Variants in L3MBTL4 observed in about 807,000 individuals in gnomAD.
L3MBTL4 encodes the protein L3MBTL histone methyl-lysine binding protein 4.
Under a neutral mutation model 84.5 loss-of-function variants are expected in L3MBTL4, and 70 were observed. The observed-to-expected ratio is 0.83, with a 90% CI of 0.68 to 1.01. L3MBTL4 has a LOEUF of 1.01. L3MBTL4 is among the 50% of genes least tolerant of loss of function. The pLI is 0.00. For missense variants in L3MBTL4, 715 were observed against 754.8 expected, an observed-to-expected ratio of 0.95 and a Z score of 0.62; for synonymous variants, 274 against 259.8, an observed-to-expected ratio of 1.05 and a Z score of -0.52.
intron 16 of L3MBTL4, among the ~76,000 whole-genome samples, chr18:6,056,639 G>A (rs2057034871): frequency 6.6e-6 from 1 of 152,132 alleles, no homozygotes; most frequent in South Asian, 2.1e-4. Flanking sequence ...CACAAAGCGA[G>A]TTTGTGGCTG....
intron 17 of L3MBTL4, among the ~76,000 whole-genome samples, chr18:5,960,460 C>T (rs952464389): frequency 2.6e-5 from 4 of 152,200 alleles, no homozygotes; most frequent in African/African-American, 7.2e-5. Context: ...CCTGACTCCC[C>T]CATGGGGTCA....
intron 16 of L3MBTL4, among the ~76,000 whole-genome samples, chr18:6,027,598 T>C (rs1222835040): frequency 1.3e-5 from 2 of 152,244 alleles, no homozygotes; most frequent in Non-Finnish European, 2.9e-5. Context: ...TCTTGATCCT[T>C]GAGGAATTGC....
chr18:6,362,806 A>C (rs1599780976), intron 1 of L3MBTL4, among the ~76,000 whole-genome samples: 4 of 152,256 alleles, frequency 2.6e-5, no homozygotes, highest in African/African-American at 9.6e-5. Context: ...GCAATAAAAG[A>C]TACAGGAAAA....
intron 1 of L3MBTL4, among the ~76,000 whole-genome samples, chr18:6,325,154 A>C (rs2051649460): frequency 6.6e-6 from 1 of 152,212 alleles, no homozygotes; most frequent in Non-Finnish European, 1.5e-5. Context: ...GGCTCCAGCA[A>C]TTACACAAAA....
rs538056844 is a variant in L3MBTL4 at position 6,351,709 on chromosome 18, C to G, written c.-90-39653G>C. Among the ~76,000 whole-genome samples, 17 of 151,816 alleles carry G rather than the reference C, an allele frequency of 1.1e-4. No homozygotes were observed. The East Asian group carries it at 2.1e-3, about 19-fold the overall frequency. ...TGGGACCACAGGCGCCTGCCACCAC[C>G]CCCGGCTAATTTTTTGTATTTTTAG... On this transcript the variant is annotated intron_variant, in intron 1 of 18. Transcript: ENST00000317931.
chr18:6,328,031 C>T lies in L3MBTL4; in HGVS notation c.-90-15975G>A, dbSNP rs537580429. Reference sequence around the variant, plus strand: ...ACTGCATTTATTAAGTAAGTTCCTACTGTGTGCCAAGCACATGGTGGCAGC... The same window carrying T: ...ACTGCATTTATTAAGTAAGTTCCTATTGTGTGCCAAGCACATGGTGGCAGC... On this transcript the variant is annotated intron_variant, in intron 1 of 18. Coordinates refer to ENST00000317931, the MANE Select transcript of L3MBTL4 (RefSeq NM_001330559.2). Among the ~76,000 whole-genome samples, 11 of 152,340 alleles carry T rather than the reference C, an allele frequency of 7.2e-5. No homozygotes were observed. In the East Asian group the frequency reaches 1.3e-3, roughly 19 times the overall value.
chr18:5,960,113 G>C lies in L3MBTL4; in HGVS notation c.1658C>G (p.Ala553Gly). The change falls in exon 18 of 19, where the codon GCC (alanine) becomes GGC (glycine). Residue 553 changes from alanine to glycine, a missense_variant. Transcript: ENST00000317931. ...TCTTACCTCTTTCTTAAAGCACTTG[G>C]CATGCTCTTCACAGCCCAGAAGAGA... ...VQSLLGCEEH[A>G]KCFKKEQIDG... The C allele has an allele frequency of 6.5e-7, 1 of 1,540,068 alleles. No homozygotes were observed. The highest frequency in any genetic ancestry group is 1.8e-5 in the Admixed American group (1 of 55,298).
chr18:6,151,275 A>G (rs1437886918), intron 13 of L3MBTL4, among the ~76,000 whole-genome samples: 2 of 152,232 alleles, frequency 1.3e-5, no homozygotes, highest in Non-Finnish European at 1.5e-5. Flanking sequence ...GTGCCAACTC[A>G]TAAGTCATAT....
rs1022875855 is a variant in L3MBTL4, at chr18:6,414,434, C to T, written c.-91+367G>A. Among the ~76,000 whole-genome samples, 6 of 152,160 alleles carry T rather than the reference C, an allele frequency of 3.9e-5. No individual in the cohort carries two copies. The highest frequency in any genetic ancestry group is 8.8e-5 in the Non-Finnish European group (6 of 68,014). On this transcript the variant is annotated intron_variant, in intron 1 of 18. Coordinates refer to ENST00000317931, the MANE Select transcript of L3MBTL4 (RefSeq NM_001330559.2). The surrounding 1 kb of genome is among the most constrained non-coding windows in gnomAD (Gnocchi z 5.4). ...GGAGTCCCGTCCCGTCCCGCTCCCC[C>T]GGTCCCAGGCTGCGCTGGCTCCAGG...
intron 12 of L3MBTL4, among the ~76,000 whole-genome samples, chr18:6,178,216 C>T (rs369398930): frequency 2.0e-5 from 3 of 152,032 alleles, no homozygotes; most frequent in African/African-American, 7.3e-5. Context: ...CCAGGATTGT[C>T]TATAACTGCT....
At chr18:6,143,478 C>T (rs889947937) in intron 13 of L3MBTL4, among the ~76,000 whole-genome samples, 1 of 152,156 alleles carries the variant, frequency 6.6e-6, no homozygotes, top group East Asian at 1.9e-4. Flanking sequence ...AGAAGCCATC[C>T]ACTAGGGAAA....
chr18:6,026,014 T>G (rs1326205424), intron 16 of L3MBTL4, among the ~76,000 whole-genome samples: 1 of 152,238 alleles, frequency 6.6e-6, no homozygotes, highest in Non-Finnish European at 1.5e-5. Context: ...ATGTTGGTCA[T>G]ACATTATCAC....
chr18:6,272,986 A>G (rs201316687), intron 4 of L3MBTL4, among the ~76,000 whole-genome samples: 75 of 7,404 alleles, frequency 0.01, no homozygotes, highest in African/African-American at 0.052. Context: ...GGGGAAAGGG[A>G]GAGTTGTGCA....
At chr18:6,034,718 G>A (rs190596842) in intron 16 of L3MBTL4, among the ~76,000 whole-genome samples, 5 of 151,278 alleles carry the variant, frequency 3.3e-5, no homozygotes, top group South Asian at 4.2e-4. Context: ...CTGAGGACTC[G>A]CCACACTGAC....
rs116568424 is a variant in L3MBTL4, at chr18:6,225,115, G to A, written c.785-9280C>T. ...AGAAAGCCACTGAAGACTGTTACTC[G>A]CTCCCTAACAATGATCATAAACTTT... On this transcript the variant is annotated intron_variant, in intron 10 of 18. Transcript: ENST00000317931. 6.0e-3 allele frequency among the ~76,000 whole-genome samples: 913 copies of A among 152,212 alleles called. 14 individuals carry two copies. The highest frequency in any genetic ancestry group is 0.02 in the African/African-American group (847 of 41,542).
chr18:6,414,042 C>T lies in L3MBTL4; in HGVS notation c.-91+759G>A, dbSNP rs1309462719. ...TGGCCCAGGTGTGCCCAGCTCGACT[C>T]GCGTCCACCTGGGACCAAGCGGGCC... On this transcript the variant is annotated intron_variant, in intron 1 of 18. Coordinates refer to ENST00000317931, the MANE Select transcript of L3MBTL4 (RefSeq NM_001330559.2). The surrounding 1 kb of genome is among the most constrained non-coding windows in gnomAD (Gnocchi z 5.4). 1 of 152,274 alleles carries T rather than the reference C, an allele frequency of 6.6e-6. No individual in the cohort carries two copies. The highest frequency in any genetic ancestry group is 1.5e-5 in the Non-Finnish European group (1 of 68,062). The allele number at this position is 152,274 out of a possible 1,614,324, so 9.4% of individuals were successfully genotyped here.
intron 16 of L3MBTL4, chr18:6,024,985 C>A (rs2055437028): frequency 6.6e-6 from 1 of 152,286 alleles, no homozygotes; most frequent in East Asian, 1.9e-4. Flanking sequence ...TTATAGCCCT[C>A]CCTTCCAAGA....
chr18:6,268,653 T>A (rs1012128449), intron 4 of L3MBTL4, among the ~76,000 whole-genome samples: 29 of 152,220 alleles, frequency 1.9e-4, no homozygotes, highest in Non-Finnish European at 3.5e-4. Flanking sequence ...ACCAACTTCA[T>A]AAACCCTAAA....
In L3MBTL4 at chr18:6,237,981, G is replaced by T; in HGVS notation, c.767C>A (p.Thr256Asn). The T allele has an allele frequency of 6.2e-7, 1 of 1,614,070 alleles. No individual in the cohort carries two copies. Among genetic ancestry groups the T allele is most frequent in the Non-Finnish European group, 8.5e-7 (1 of 1,179,954 alleles). Residue 256 changes from threonine to asparagine, a missense_variant, in exon 10 of 19, where the codon ACT becomes AAT. Thr to Asn is a moderately conservative substitution (Grantham distance 65, BLOSUM62 0). Coordinates refer to ENST00000317931, the MANE Select transcript of L3MBTL4 (RefSeq NM_001330559.2). ...CCACTCACCTTGGGGTGCTATCAGA[G>T]TTCTTCCATTCTCCTGACACCAACC... ...PVGWCQENGR[T>N]LIAPQGYPNP...
Sources: allele counts gnomAD v4.1 joint callset (sites outside exome capture counted in the v4.1 genomes callset), GRCh38; gene constraint gnomAD v4.1.1; non-coding constraint Gnocchi (gnomAD v3.1); transcripts MANE v1.5; gene names NCBI Gene and HGNC (gene_info 2026-07-23, HGNC 2026-07-21).